Variants in DLGAP4 observed in about 807,000 individuals in gnomAD.
DLGAP4 encodes the protein disks large-associated protein 4.
Under a neutral mutation model 86.9 loss-of-function variants are expected in DLGAP4, and 18 were observed. The observed-to-expected ratio is 0.21, with a 90% CI of 0.14 to 0.31. The LOEUF is 0.31. Ranked by LOEUF, DLGAP4 falls within the 10% of genes least tolerant of loss-of-function variation. DLGAP4 has a pLI of 1.00. For missense variants in DLGAP4, 1,085 were observed against 1,362.6 expected, an observed-to-expected ratio of 0.80 and a Z score of 3.21; for synonymous variants, 548 against 574.3, an observed-to-expected ratio of 0.95 and a Z score of 0.65.
At chr20:36,412,362 G>A (rs944992290) in intron 2 of DLGAP4, among the ~76,000 whole-genome samples, 1 of 152,228 alleles carries the variant, frequency 6.6e-6, no homozygotes, top group South Asian at 2.1e-4. Flanking sequence ...CCTGTCAGAC[G>A]AAGGTTTTGG....
At position 36,465,484 on chromosome 20, in the gene DLGAP4, T is replaced by G. The variant is rs1315926575; in HGVS notation, c.1648+18547T>G. 6 of 152,464 alleles carry G rather than the reference T, an allele frequency of 3.9e-5. No homozygotes were observed. In the East Asian group the frequency reaches 5.8e-4, roughly 15 times the overall value. The allele number at this position is 152,464 out of a possible 1,614,324, so 9.4% of individuals were successfully genotyped here. ...TCTTCTCCACAGCCCGCAGCGTTTC[T>G]CCAGGTTTATGGCTTCTGCCTGATA... On this transcript the variant is annotated intron_variant, in intron 7 of 12. Coordinates refer to ENST00000339266, the MANE Select transcript of DLGAP4 (RefSeq NM_001365621.2).
intron 1 of DLGAP4, among the ~76,000 whole-genome samples, chr20:36,319,076 G>T (rs1335585847): frequency 6.6e-6 from 1 of 151,830 alleles, no homozygotes; most frequent in Non-Finnish European, 1.5e-5. Flanking sequence ...CTGGGAGGTG[G>T]AGGTTGCAGC....
At chr20:36,507,129 TGATACTCTTCATTGAAATTGCAAG>T (rs1418268324) in intron 10 of DLGAP4, among the ~76,000 whole-genome samples, 1 of 152,216 alleles carries the variant, frequency 6.6e-6, no homozygotes, top group African/African-American at 2.4e-5. Flanking sequence ...CTCTTAAGAA[TGATACTCTTCATTGAAATTGCAAG>T]GCTCTCTGAT....
chr20:36,348,159 A>G (rs2030007766), intron 1 of DLGAP4, among the ~76,000 whole-genome samples: 2 of 152,230 alleles, frequency 1.3e-5, no homozygotes, highest in South Asian at 4.1e-4. Context: ...GAGGGAGGGA[A>G]ATGTACACTT....
intron 11 of DLGAP4, chr20:36,525,604 A>C (rs1600726948): frequency 1.8e-6 from 1 of 566,734 alleles, no homozygotes; most frequent in East Asian, 2.9e-5. Flanking sequence ...GCATACACAT[A>C]CATTAGGGAC....
intron 8 of DLGAP4, chr20:36,499,057 C>T (rs1268068534): frequency 3.3e-6 from 2 of 601,682 alleles, no homozygotes; most frequent in Admixed American, 6.2e-5. Context: ...CCAGGGTTTG[C>T]CCTTAGTGCA....
chr20:36,455,088 C>A (rs780905705), intron 7 of DLGAP4, among the ~76,000 whole-genome samples: 3 of 152,146 alleles, frequency 2.0e-5, no homozygotes, highest in Non-Finnish European at 4.4e-5. Context: ...CTGCCCCCTC[C>A]TGCCTCTCTT....
chr20:36,426,502 G>A (rs527332205), intron 2 of DLGAP4, among the ~76,000 whole-genome samples: 10 of 151,998 alleles, frequency 6.6e-5, no homozygotes, highest in African/African-American at 2.2e-4. Flanking sequence ...GTGACAGAGC[G>A]AGACTCTCAG....
chr20:36,478,702 A>G (rs1399186969), intron 7 of DLGAP4, among the ~76,000 whole-genome samples: 1 of 152,106 alleles, frequency 6.6e-6, no homozygotes, highest in Non-Finnish European at 1.5e-5. Context: ...TATTTTTACT[A>G]CTTGTGAGGC....
chr20:36,511,568 A>T (rs1172225449), intron 10 of DLGAP4, among the ~76,000 whole-genome samples: 1 of 151,970 alleles, frequency 6.6e-6, no homozygotes, highest in Non-Finnish European at 1.5e-5. Context: ...AGTTTTGTGA[A>T]ATTGATCATT....
intron 1 of DLGAP4, among the ~76,000 whole-genome samples, chr20:36,330,988 C>T (rs1190466901): frequency 6.6e-6 from 1 of 152,200 alleles, no homozygotes; most frequent in Non-Finnish European, 1.5e-5. Flanking sequence ...TATCATCATC[C>T]ACCATTCCCT....
chr20:36,337,221 C>T (rs1470450226), intron 1 of DLGAP4, among the ~76,000 whole-genome samples: 2 of 152,304 alleles, frequency 1.3e-5, no homozygotes, highest in East Asian at 1.9e-4. Flanking sequence ...GTCAGGCTCA[C>T]TTCAGCCCTG....
chr20:36,508,012 AGT>A (rs971909969), intron 10 of DLGAP4: 10 of 152,298 alleles, frequency 6.6e-5, no homozygotes, highest in African/African-American at 2.4e-4. Context: ...TCCAGGCCCA[AGT>A]GTGTGTTGAA....
intron 2 of DLGAP4, among the ~76,000 whole-genome samples, chr20:36,421,222 G>A (rs1253276282): frequency 2.6e-5 from 4 of 152,142 alleles, no homozygotes; most frequent in East Asian, 3.9e-4. Context: ...TTGGGAGGCC[G>A]AGGCAGGGAG....
At chr20:36,365,868 G>A (rs375412094) in intron 1 of DLGAP4, among the ~76,000 whole-genome samples, 2 of 152,254 alleles carry the variant, frequency 1.3e-5, no homozygotes, top group African/African-American at 4.8e-5. Flanking sequence ...TCCTCTCAGG[G>A]CTCAGACGTG....
intron 5 of DLGAP4, among the ~76,000 whole-genome samples, chr20:36,440,700 C>T (rs1036976529): frequency 2.0e-5 from 3 of 152,064 alleles, no homozygotes; most frequent in Non-Finnish European, 4.4e-5. Context: ...GCCGTGTACT[C>T]GGCACTTTAG....
In DLGAP4 at chr20:36,488,581, A is replaced by AT. The variant is rs1305568541; in HGVS notation, c.1649-8109dup. Among the ~76,000 whole-genome samples, 958 of 143,490 alleles carry AT rather than the reference A, an allele frequency of 6.7e-3. 5 individuals carry two copies. Among genetic ancestry groups the AT allele is most frequent in the African/African-American group, 0.015 (573 of 39,196 alleles). 94.1% of individuals were successfully genotyped at this position (143,490 alleles called of 152,430 possible). ...GTTTTATGTGTGTCTCTGTTGAAAG[A>AT]TTTTTTTTTTTTTTTGAGACAGGGT... On this transcript the variant is annotated intron_variant, in intron 7 of 12. Coordinates refer to ENST00000339266, the MANE Select transcript of DLGAP4 (RefSeq NM_001365621.2).
At chr20:36,501,590 T>A (rs1045687897) in intron 10 of DLGAP4, among the ~76,000 whole-genome samples, 1 of 150,466 alleles carries the variant, frequency 6.6e-6, no homozygotes, top group African/African-American at 2.5e-5. Flanking sequence ...GGAAGGCAGG[T>A]CCTGGGAAGC....
chr20:36,352,230 G>A (rs543515063), intron 1 of DLGAP4, among the ~76,000 whole-genome samples: 37 of 152,264 alleles, frequency 2.4e-4, no homozygotes, highest in African/African-American at 8.2e-4. Flanking sequence ...TGGCAGAGAC[G>A]CACATGGGGA....
Sources: gnomAD v4.1 joint callset for allele counts (sites outside exome capture counted in the v4.1 genomes callset) on GRCh38, gnomAD v4.1.1 for gene constraint, MANE v1.5 for transcripts, NCBI Gene and HGNC (gene_info 2026-07-23, HGNC 2026-07-21) for gene names.